The following SHB variants were observed in gnomAD, a reference collection of about 807,000 sequenced individuals.
SHB encodes SH2 domain containing adaptor protein B.
In SHB, 20 loss-of-function variants were observed where a neutral mutation model predicts 52.3. The ratio of observed to expected loss-of-function variants is 0.38; its 90% CI spans 0.27 to 0.56. The LOEUF (loss-of-function observed/expected upper bound fraction) is 0.56, where lower values mean the gene tolerates loss of function less well. Among genes scored for constraint, SHB ranks in the 20% least tolerant of loss-of-function variants. The pLI is 0.71. For synonymous variants in SHB, 397 were observed against 316.5 expected (o/e 1.25, Z -2.70); for missense variants, 825 against 723.3 (o/e 1.14, Z -1.61).
intron 2 of SHB, among the ~76,000 whole-genome samples, chr9:38,006,710 G>A (rs1448877989): frequency 1.3e-5 from 2 of 152,232 alleles, no homozygotes; most frequent in African/African-American, 4.8e-5. Flanking sequence ...CAGCAGGACT[G>A]CAATCTGTTT....
intron 1 of SHB, among the ~76,000 whole-genome samples, chr9:38,041,923 A>G (rs563465068): frequency 6.6e-6 from 1 of 152,314 alleles, no homozygotes; most frequent in African/African-American, 2.4e-5. Context: ...CTCATTCTCT[A>G]CCTATTTCCT....
At chr9:38,060,735 A>G (rs935136412) in intron 1 of SHB, among the ~76,000 whole-genome samples, 3 of 152,180 alleles carry the variant, frequency 2.0e-5, no homozygotes, top group Non-Finnish European at 4.4e-5. Context: ...CTCACCCTGC[A>G]TCTCCTGTGG....
chr9:37,937,791 G>A (rs1832390839), intron 5 of SHB, among the ~76,000 whole-genome samples: 1 of 152,182 alleles, frequency 6.6e-6, no homozygotes, highest in Non-Finnish European at 1.5e-5. Flanking sequence ...CAGTGCTTAC[G>A]GGGCTCCAAA....
chr9:37,933,605 TA>T (rs1832337730), intron 5 of SHB, among the ~76,000 whole-genome samples: 1 of 152,214 alleles, frequency 6.6e-6, no homozygotes, highest in African/African-American at 2.4e-5. Flanking sequence ...AAATCTGTTG[TA>T]AACTCGCCCT....
intron 5 of SHB, among the ~76,000 whole-genome samples, chr9:37,938,414 C>T (rs1832398810): frequency 6.6e-6 from 1 of 152,218 alleles, no homozygotes; most frequent in Non-Finnish European, 1.5e-5. Flanking sequence ...AAGTCGCCAA[C>T]CAACTCATTC....
At chr9:37,923,881 C>T (rs990232336) in intron 5 of SHB, among the ~76,000 whole-genome samples, 1 of 152,224 alleles carries the variant, frequency 6.6e-6, no homozygotes, top group Non-Finnish European at 1.5e-5. Context: ...GAACCCAGAG[C>T]CCCGGCCCCG....
chr9:37,946,836 C>T (rs571409465), intron 5 of SHB, among the ~76,000 whole-genome samples: 111 of 152,320 alleles, frequency 7.3e-4, no homozygotes, highest in African/African-American at 2.4e-3. Flanking sequence ...GAGTGATAAC[C>T]CCCAATGACC....
chr9:37,976,438 T>A (rs956319967), intron 2 of SHB, among the ~76,000 whole-genome samples: 1 of 152,212 alleles, frequency 6.6e-6, no homozygotes, highest in South Asian at 2.1e-4. Flanking sequence ...AACTGTTTCA[T>A]CTTCCCAAAC....
chr9:38,046,629 C>T (rs1186028990), intron 1 of SHB, among the ~76,000 whole-genome samples: 1 of 152,200 alleles, frequency 6.6e-6, no homozygotes, highest in African/African-American at 2.4e-5. Flanking sequence ...TGGGTGATCA[C>T]GCCAAGCAAT....
chr9:37,975,897 C>CGTCA (rs1386212961), intron 2 of SHB, among the ~76,000 whole-genome samples: 2 of 152,052 alleles, frequency 1.3e-5, no homozygotes, highest in Non-Finnish European at 2.9e-5. Context: ...TCAGCTCTGA[C>CGTCA]AAGTGGAAGC....
chr9:37,950,282 T>G (rs1405926218), intron 4 of SHB, among the ~76,000 whole-genome samples: 1 of 152,020 alleles, frequency 6.6e-6, no homozygotes, highest in East Asian at 1.9e-4. Context: ...TTTTGGTTTT[T>G]AGAGACAGGT....
chr9:38,066,739 C>T (rs1644800782), intron 1 of SHB, among the ~76,000 whole-genome samples: 1 of 152,146 alleles, frequency 6.6e-6, no homozygotes, highest in Non-Finnish European at 1.5e-5. Flanking sequence ...ACATTCCCTT[C>T]CTCCTCTCTC....
At chr9:37,942,444 G>A (rs529853013) in intron 5 of SHB, among the ~76,000 whole-genome samples, 1 of 152,326 alleles carries the variant, frequency 6.6e-6, no homozygotes, top group East Asian at 1.9e-4. Flanking sequence ...ATCGATGCAA[G>A]TGGAGAAGAT....
intron 1 of SHB, among the ~76,000 whole-genome samples, chr9:38,026,927 C>A (rs1433761470): frequency 6.6e-6 from 1 of 152,222 alleles, no homozygotes; most frequent in Non-Finnish European, 1.5e-5. Context: ...GCCTCCTCCC[C>A]CTGCTCTTGC....
chr9:37,987,299 C>T (rs771643302), intron 2 of SHB, among the ~76,000 whole-genome samples: 1 of 152,216 alleles, frequency 6.6e-6, no homozygotes, highest in African/African-American at 2.4e-5. Context: ...TCCAGCTTCT[C>T]GTTTAACTCT....
intron 2 of SHB, among the ~76,000 whole-genome samples, chr9:37,984,767 A>T (rs1272600108): frequency 6.6e-6 from 1 of 152,174 alleles, no homozygotes; most frequent in Non-Finnish European, 1.5e-5. Context: ...TGCCACATCA[A>T]AAGGGAGGTG....
chr9:38,010,402 A>G (rs1424879104), intron 2 of SHB, among the ~76,000 whole-genome samples: 1 of 152,208 alleles, frequency 6.6e-6, no homozygotes, highest in Non-Finnish European at 1.5e-5. Flanking sequence ...CTGTGCCTTT[A>G]GGTTAACTTG....
intron 1 of SHB, among the ~76,000 whole-genome samples, chr9:38,040,848 T>C (rs1821566222): frequency 1.3e-5 from 2 of 151,508 alleles, no homozygotes; most frequent in African/African-American, 4.9e-5. Context: ...AGCATGAAAG[T>C]ATTGGAGCAG....
intron 5 of SHB, 31 bp downstream of exon 5, chr9:37,948,604 G>C: frequency 6.2e-7 from 1 of 1,610,316 alleles, no homozygotes; most frequent in Non-Finnish European, 8.5e-7. Flanking sequence ...GGCTGCCGAG[G>C]AGGGCTGGGG....
Sources: gnomAD v4.1 joint callset for allele counts (sites outside exome capture counted in the v4.1 genomes callset) on GRCh38, gnomAD v4.1.1 for gene constraint, MANE v1.5 for transcripts, NCBI Gene and HGNC (gene_info 2026-07-23, HGNC 2026-07-21) for gene names.